RALYL: variants seen among roughly 807,000 people sequenced by gnomAD.
RALYL encodes the protein RALY RNA binding protein like.
RALYL carries 29 observed loss-of-function variants against 35.1 expected under a neutral mutation model. That is an observed-to-expected ratio of 0.83 (90% CI 0.61 to 1.13). The LOEUF is 1.13. RALYL is among the 50% of genes most tolerant of loss of function. The pLI is 0.00. For synonymous variants in RALYL, 120 were observed against 127.6 expected (o/e 0.94, Z 0.40); for missense variants, 359 against 360.4 (o/e 1.00, Z 0.03).
At chr8:84,846,546 T>C (rs185240921) in intron 4 of RALYL, among the ~76,000 whole-genome samples, 6 of 152,334 alleles carry the variant, frequency 3.9e-5, no homozygotes, top group Admixed American at 2.0e-4. Flanking sequence ...TAGAGAGAAG[T>C]CTCTCCTCCT....
chr8:84,813,218 G>T (rs1016821254), intron 4 of RALYL, among the ~76,000 whole-genome samples: 1 of 152,118 alleles, frequency 6.6e-6, no homozygotes, highest in African/African-American at 2.4e-5. Flanking sequence ...TTTGGGAGAG[G>T]AGGATCTCCC....
chr8:84,569,476 G>A (rs572601855), intron 2 of RALYL, among the ~76,000 whole-genome samples: 1 of 151,746 alleles, frequency 6.6e-6, no homozygotes, highest in East Asian at 1.9e-4. Context: ...GTAGATTCTA[G>A]ATATTATTAG....
intron 1 of RALYL, among the ~76,000 whole-genome samples, chr8:84,377,602 G>A (rs1857197081): frequency 6.6e-6 from 1 of 151,388 alleles, no homozygotes; most frequent in Non-Finnish European, 1.5e-5. Context: ...AATAGGTTGT[G>A]CTTTAGTGTT....
chr8:84,512,157 C>CA (rs1239615636), intron 1 of RALYL, among the ~76,000 whole-genome samples: 1 of 152,042 alleles, frequency 6.6e-6, no homozygotes, highest in Non-Finnish European at 1.5e-5. Flanking sequence ...GTATTCCCCC[C>CA]AATAGTGTAT....
chr8:84,555,149 C>G (rs548663278), intron 2 of RALYL, among the ~76,000 whole-genome samples: 1 of 152,026 alleles, frequency 6.6e-6, no homozygotes, highest in African/African-American at 2.4e-5. Context: ...CGTGGTGGCA[C>G]ACGCCTGTAA....
At chr8:84,672,381 T>C (rs1393246199) in intron 2 of RALYL, among the ~76,000 whole-genome samples, 1 of 152,172 alleles carries the variant, frequency 6.6e-6, no homozygotes, top group Non-Finnish European at 1.5e-5. Flanking sequence ...TTTTAGGAAG[T>C]TCCAAACTTT....
intron 2 of RALYL, among the ~76,000 whole-genome samples, chr8:84,728,559 T>C (rs1308438025): frequency 6.6e-6 from 1 of 152,110 alleles, no homozygotes; most frequent in Non-Finnish European, 1.5e-5. Context: ...CATGCCTATG[T>C]CCTGAATGGT....
chr8:84,797,849 T>C (rs1822306763), intron 3 of RALYL, among the ~76,000 whole-genome samples: 1 of 152,322 alleles, frequency 6.6e-6, no homozygotes, highest in South Asian at 2.1e-4. Flanking sequence ...CTTCTCTTCT[T>C]TATTTACTTT....
At chr8:84,379,476 G>A (rs991122151) in intron 1 of RALYL, among the ~76,000 whole-genome samples, 3 of 151,822 alleles carry the variant, frequency 2.0e-5, no homozygotes, top group African/African-American at 7.3e-5. Flanking sequence ...TAGTATGCTT[G>A]GAGATATTTT....
At chr8:84,557,895 G>A (rs2061239570) in intron 2 of RALYL, among the ~76,000 whole-genome samples, 1 of 152,136 alleles carries the variant, frequency 6.6e-6, no homozygotes, top group African/African-American at 2.4e-5. Context: ...GCAGTCATTA[G>A]GAGCATTACT....
intron 2 of RALYL, among the ~76,000 whole-genome samples, chr8:84,640,228 A>G (rs931758727): frequency 7.9e-5 from 12 of 152,080 alleles, no homozygotes; most frequent in African/African-American, 2.2e-4. Context: ...AGGAGGTTAC[A>G]TAGATGTAAA....
intron 1 of RALYL, among the ~76,000 whole-genome samples, chr8:84,296,996 C>T (rs947824581): frequency 1.3e-5 from 2 of 151,074 alleles, no homozygotes; most frequent in Non-Finnish European, 2.9e-5. Flanking sequence ...AACTGAAAGA[C>T]TTTGAAGAAT....
chr8:84,588,368 T>C (rs1812460443), intron 2 of RALYL, among the ~76,000 whole-genome samples: 1 of 152,178 alleles, frequency 6.6e-6, no homozygotes, highest in Non-Finnish European at 1.5e-5. Context: ...TCAGAGGGCC[T>C]ACCTAATAAG....
At chr8:84,679,672 A>G (rs1834961498) in intron 2 of RALYL, 1 of 502,186 alleles carries the variant, frequency 2.0e-6, no homozygotes, top group African/African-American at 2.0e-5. Flanking sequence ...TACAGAGAAA[A>G]ATGTGAGAAC....
intron 2 of RALYL, among the ~76,000 whole-genome samples, chr8:84,718,823 G>A (rs1473082899): frequency 1.3e-5 from 2 of 151,956 alleles, no homozygotes; most frequent in Non-Finnish European, 2.9e-5. Context: ...CTTTTAAAAA[G>A]CAAGGCATTT....
chr8:84,539,830 ATACATATATATATATATATATATG>A (rs1391842495), intron 2 of RALYL, among the ~76,000 whole-genome samples: 459 of 7,704 alleles, frequency 0.06, 8 homozygotes, highest in East Asian at 0.19. Context: ...GTGATCAAGT[ATACATATATATATATATATATATG>A]TATATATATA....
chr8:84,309,048 T>C (rs1842302612), intron 1 of RALYL, among the ~76,000 whole-genome samples: 1 of 151,638 alleles, frequency 6.6e-6, no homozygotes, highest in African/African-American at 2.4e-5. Flanking sequence ...GCAATTATAC[T>C]AAATTTGCAT....
rs1330146661 is a variant in RALYL at position 84,616,729 on chromosome 8, A to G, written c.256+87152A>G. Among the ~76,000 whole-genome samples the G allele has an allele frequency of 4.0e-5, 6 of 151,212 alleles. No individual in the cohort carries two copies. In the East Asian group the frequency reaches 5.8e-4, roughly 15 times the overall value. On this transcript the variant is annotated intron_variant, in intron 2 of 8. Transcript: ENST00000521268. The stretch of plus-strand genomic sequence containing the variant: ...CTAGGGTTTTTATGGTTTTAGGTCT[A>G]ACGTTTAAGTCTTTAATCCATCTTG...
At chr8:84,218,430 G>A (rs540543904) in intron 1 of RALYL, among the ~76,000 whole-genome samples, 10 of 152,124 alleles carry the variant, frequency 6.6e-5, no homozygotes, top group Admixed American at 2.6e-4. Flanking sequence ...GTTCAACTGT[G>A]ACATGCCTTC....
Sources: gnomAD v4.1 joint callset for allele counts (sites outside exome capture counted in the v4.1 genomes callset) on GRCh38, gnomAD v4.1.1 for gene constraint, MANE v1.5 for transcripts, NCBI Gene and HGNC (gene_info 2026-07-23, HGNC 2026-07-21) for gene names.